Variants in PTPRM observed in about 807,000 individuals in gnomAD.
The protein encoded by PTPRM is receptor-type tyrosine-protein phosphatase mu.
PTPRM carries 47 observed loss-of-function variants against 186.7 expected under a neutral mutation model. That is an observed-to-expected ratio of 0.25 (90% CI 0.20 to 0.32). The LOEUF is 0.32. Among genes scored for constraint, PTPRM ranks in the 10% least tolerant of loss-of-function variants. PTPRM has a pLI of 1.00. For missense variants in PTPRM, 1,494 were observed against 1,865.0 expected, an observed-to-expected ratio of 0.80 and a Z score of 3.66; for synonymous variants, 668 against 674.9, an observed-to-expected ratio of 0.99 and a Z score of 0.16.
intron 7 of PTPRM, among the ~76,000 whole-genome samples, chr18:8,038,899 C>G (rs2086518051): frequency 6.6e-6 from 1 of 152,070 alleles, no homozygotes. Context: ...AGAGTTAGTT[C>G]TAGGAGCATA....
At chr18:8,204,346 T>TAA (rs986025535) in intron 14 of PTPRM, among the ~76,000 whole-genome samples, 1 of 152,176 alleles carries the variant, frequency 6.6e-6, no homozygotes, top group Non-Finnish European at 1.5e-5. Flanking sequence ...AATTGAGTCT[T>TAA]AACATTTTGA....
At chr18:7,977,051 C>A (rs1465204431) in intron 7 of PTPRM, among the ~76,000 whole-genome samples, 1 of 151,846 alleles carries the variant, frequency 6.6e-6, no homozygotes, top group Non-Finnish European at 1.5e-5. Context: ...ACCTTAGCTC[C>A]AGTTATAATG....
At chr18:8,029,674 T>A (rs1018194428) in intron 7 of PTPRM, among the ~76,000 whole-genome samples, 4 of 152,214 alleles carry the variant, frequency 2.6e-5, no homozygotes, top group Admixed American at 6.5e-5. Flanking sequence ...GCAGTTTACA[T>A]GTCAGTCTTC....
At chr18:7,744,491 A>G (rs2144537890) in intron 1 of PTPRM, among the ~76,000 whole-genome samples, 1 of 152,302 alleles carries the variant, frequency 6.6e-6, no homozygotes, top group East Asian at 1.9e-4. Flanking sequence ...AGTGCATTTT[A>G]TGAGGTTCTG....
At chr18:7,911,846 ATT>A (rs57590269) in intron 4 of PTPRM, among the ~76,000 whole-genome samples, 45 of 80,678 alleles carry the variant, frequency 5.6e-4, no homozygotes, top group African/African-American at 1.9e-3. Flanking sequence ...TATGGTTTCA[ATT>A]TTTTTTTTTT....
At chr18:7,934,371 G>A (rs1214869532) in intron 5 of PTPRM, among the ~76,000 whole-genome samples, 5 of 152,034 alleles carry the variant, frequency 3.3e-5, no homozygotes, top group African/African-American at 1.2e-4. Flanking sequence ...TATGAGCTAC[G>A]CAATCGTGAA....
In PTPRM at chr18:7,794,913, G is replaced by T. The variant is rs188909633; in HGVS notation, c.196+20642G>T. Among the ~76,000 whole-genome samples, 9 of 152,262 alleles carry T rather than the reference G, an allele frequency of 5.9e-5. No homozygotes were observed. The East Asian group carries it at 1.7e-3, about 30-fold the overall frequency. On this transcript the variant is annotated intron_variant, in intron 2 of 32. Coordinates refer to ENST00000580170, the MANE Select transcript of PTPRM (RefSeq NM_001105244.2). Reference sequence around the variant, plus strand: ...AATCAGGTATGGAGTGGTAGTTGTGGCTGTCAGCTCCCTCCACAGATACCT... The same window carrying T: ...AATCAGGTATGGAGTGGTAGTTGTGTCTGTCAGCTCCCTCCACAGATACCT...
intron 1 of PTPRM, among the ~76,000 whole-genome samples, chr18:7,688,354 C>G (rs190343780): frequency 6.6e-6 from 1 of 152,212 alleles, no homozygotes; most frequent in East Asian, 1.9e-4. Context: ...GAAGAAACCT[C>G]TGCTAGAAGA....
chr18:8,375,994 T>C (rs1000893735), intron 24 of PTPRM, 52 bp from the exon 25 acceptor site: 2 of 1,542,964 alleles, frequency 1.3e-6, no homozygotes, highest in Non-Finnish European at 1.8e-6. Flanking sequence ...TGCTTATTTG[T>C]GGTTTGTTTT....
chr18:7,832,306 G>C (rs1014458744), intron 2 of PTPRM, among the ~76,000 whole-genome samples: 5 of 152,076 alleles, frequency 3.3e-5, no homozygotes, highest in African/African-American at 4.8e-5. Context: ...CTGTCTTTTG[G>C]ATATAAGCCG....
chr18:7,829,290 A>G (rs2045643458), intron 2 of PTPRM, among the ~76,000 whole-genome samples: 1 of 152,212 alleles, frequency 6.6e-6, no homozygotes, highest in African/African-American at 2.4e-5. Flanking sequence ...GTACATAATA[A>G]TTACATATTT....
rs1313548461 is a variant in PTPRM at position 8,310,473 on chromosome 18, G to C, written c.2843-4308G>C. Among the ~76,000 whole-genome samples, 7 of 148,366 alleles carry C rather than the reference G, an allele frequency of 4.7e-5. No individual in the cohort carries two copies. The East Asian group carries it at 1.2e-3, about 25-fold the overall frequency. On this transcript the variant is annotated intron_variant, in intron 20 of 32. Coordinates refer to ENST00000580170, the MANE Select transcript of PTPRM (RefSeq NM_001105244.2). ...CACATTCACCACACCAACCTTCTTT[G>C]GTTTCCTGAACATACTAGATCCTTC...
chr18:7,708,030 A>G (rs1466177610), intron 1 of PTPRM, among the ~76,000 whole-genome samples: 1 of 152,208 alleles, frequency 6.6e-6, no homozygotes, highest in Non-Finnish European at 1.5e-5. Flanking sequence ...ATGCTACTCA[A>G]AAGTGTTTTT....
chr18:8,093,894 A>G (rs1176372746), intron 11 of PTPRM, among the ~76,000 whole-genome samples: 1 of 152,184 alleles, frequency 6.6e-6, no homozygotes, highest in Non-Finnish European at 1.5e-5. Context: ...AACAAAGCCT[A>G]ATGTTCTAGT....
chr18:7,958,471 G>A (rs953575321), intron 7 of PTPRM, among the ~76,000 whole-genome samples: 1 of 152,148 alleles, frequency 6.6e-6, no homozygotes, highest in African/African-American at 2.4e-5. Context: ...GGGATGGGGA[G>A]GAAAGGGCAC....
At chr18:7,608,232 C>G (rs1199283075) in intron 1 of PTPRM, among the ~76,000 whole-genome samples, 4 of 152,138 alleles carry the variant, frequency 2.6e-5, no homozygotes, top group African/African-American at 7.2e-5. Flanking sequence ...CATGGATAGT[C>G]TGGAGATACA....
At position 8,276,687 on chromosome 18, in the gene PTPRM, C is replaced by T. The variant is rs2094839609; in HGVS notation, c.2755-19681C>T. Among the ~76,000 whole-genome samples the T allele has an allele frequency of 2.0e-5, 3 of 152,160 alleles. No individual in the cohort carries two copies. In the South Asian group the frequency reaches 6.2e-4, roughly 32 times the overall value. On this transcript the variant is annotated intron_variant, in intron 19 of 32. Coordinates refer to ENST00000580170, the MANE Select transcript of PTPRM (RefSeq NM_001105244.2). ...GTCACCACGCTCATGAGAGGTACTG[C>T]AATCTGAACCACAGGACAGCTGACT...
chr18:8,387,250 G>A lies in PTPRM; in HGVS notation c.4208+15G>A, dbSNP rs2290818. The A allele has an allele frequency of 9.3e-6, 15 of 1,609,906 alleles. No homozygotes were observed. The East Asian group carries it at 3.1e-4, about 34-fold the overall frequency. The stretch of plus-strand genomic sequence containing the variant: ...GTGCACTGCTTGTAAGTGCTTGACA[G>A]AGCTCTTCATTTCAGAACAGCGAGG... On this transcript the variant is annotated intron_variant, in intron 31 of 32. Coordinates refer to ENST00000580170, the MANE Select transcript of PTPRM (RefSeq NM_001105244.2).
At chr18:7,686,128 G>T (rs1305396677) in intron 1 of PTPRM, among the ~76,000 whole-genome samples, 1 of 152,118 alleles carries the variant, frequency 6.6e-6, no homozygotes, top group Non-Finnish European at 1.5e-5. Flanking sequence ...CTCTGTCCTT[G>T]CACCATCCCA....
Sources: gnomAD v4.1 joint callset for allele counts (sites outside exome capture counted in the v4.1 genomes callset) on GRCh38, gnomAD v4.1.1 for gene constraint, MANE v1.5 for transcripts, NCBI Gene and HGNC (gene_info 2026-07-23, HGNC 2026-07-21) for gene names.